The following FREM1 variants were observed in gnomAD, a reference collection of about 807,000 sequenced individuals.
FREM1 encodes FRAS1 related extracellular matrix 1.
In FREM1, 220 loss-of-function variants were observed where a neutral mutation model predicts 210.1. The observed-to-expected ratio is 1.05, with a 90% CI of 0.94 to 1.17. The LOEUF is 1.17. Ranked by LOEUF, FREM1 falls within the 50% of genes most tolerant of loss-of-function variation. The pLI is 0.00. For synonymous variants in FREM1, 1,189 were observed against 980.2 expected, an observed-to-expected ratio of 1.21 and a Z score of -3.98; for missense variants, 3,454 against 2,675.5, an observed-to-expected ratio of 1.29 and a Z score of -6.42.
Position 14,857,746 on chromosome 9 carries a change from A to C in FREM1, c.635T>G (p.Leu212Arg), listed in dbSNP as rs145369669. 7.3e-4 allele frequency: 1,163 copies of C among 1,596,062 alleles called. 8 individuals carry two copies. The African/African-American group carries it at 0.013, about 18-fold the overall frequency. ...QPHSFFPESQLRAKLKCPGGS... is the reference protein window; with the variant it reads ...QPHSFFPESQRRAKLKCPGGS... ...ACCTGGACACTTCAGTTTTGCTCTC[A>C]GTTCTAGAATGTACAGCACTGGATT... Residue 212 changes from leucine (L) to arginine (R), a missense_variant, in exon 5 of 37, where the codon CTG becomes CGG. Transcript: ENST00000380880.
intron 10 of FREM1, among the ~76,000 whole-genome samples, chr9:14,833,135 T>C (rs1478161290): frequency 1.3e-5 from 2 of 152,194 alleles, no homozygotes. Context: ...CAAAATCAAA[T>C]AAGCCAGTTT....
intron 1 of FREM1, among the ~76,000 whole-genome samples, chr9:14,895,560 T>C (rs1837559946): frequency 6.6e-6 from 1 of 152,094 alleles, no homozygotes; most frequent in South Asian, 2.1e-4. Flanking sequence ...GTTCCAACAG[T>C]TGCCCAGCTC....
chr9:14,825,547 G>GTGTGTGTATGTATATATATATATA, intron 10 of FREM1, among the ~76,000 whole-genome samples: 1 of 75,932 alleles, frequency 1.3e-5, no homozygotes, highest in Non-Finnish European at 2.5e-5. Flanking sequence ...GTGTGTGTGT[G>GTGTGTGTATGTATATATATATATA]TATATATATA....
At chr9:14,824,671 T>C (rs995217090) in intron 11 of FREM1, 125 bp downstream of exon 11, 3 of 659,750 alleles carry the variant, frequency 4.5e-6, no homozygotes, top group Non-Finnish European at 7.7e-6. Flanking sequence ...TAATTGAGTA[T>C]AATTTCATGC....
At chr9:14,879,555 A>G (rs1834411998) in intron 1 of FREM1, among the ~76,000 whole-genome samples, 1 of 152,244 alleles carries the variant, frequency 6.6e-6, no homozygotes, top group African/African-American at 2.4e-5. Context: ...AGCAGTGTCC[A>G]TAGTGGAAAC....
In FREM1 at chr9:14,806,835, C is replaced by G. The variant is rs1019179347; in HGVS notation, c.3100G>C (p.Val1034Leu). Reference sequence around the variant, plus strand: ...GCTGTTGAGCAGCCCTCATCTACAACAAACACGGGACCTGCATACAAATAA... The same window carrying G: ...GCTGTTGAGCAGCCCTCATCTACAAGAAACACGGGACCTGCATACAAATAA... ...PPSIAIGPVF[V>L]VDEGCSTALT... The change falls in exon 18 of 37, where the codon GTT becomes CTT. Residue 1034 changes from valine (V) to leucine (L), a missense_variant. Coordinates refer to ENST00000380880, the MANE Select transcript of FREM1 (RefSeq NM_001379081.2). 1 of 1,598,856 alleles carries G rather than the reference C, an allele frequency of 6.3e-7. No homozygotes were observed. The highest frequency in any genetic ancestry group is 1.1e-5 in the South Asian group (1 of 88,536).
chr9:14,776,057 A>T lies in FREM1; in HGVS notation c.4589T>A (p.Leu1530His). The change falls in exon 25 of 37, where the codon CTT (leucine) becomes CAT (histidine). Residue 1530 changes from leucine to histidine, a missense_variant. By Grantham distance (99) the Leu-to-His change is moderately conservative (BLOSUM62 -3). Transcript: ENST00000380880. ...AGGTGTATCAGGGTCGGTCAGCTGA[A>T]GGAGGTCAGGGGAAAGCAGGCCCAC... The part of the protein sequence containing the change: ...GAVGLLSPDL[L>H]QLTDPDTPAE... 1 of 1,613,926 alleles carries T rather than the reference A, an allele frequency of 6.2e-7. No individual in the cohort carries two copies. Among genetic ancestry groups the T allele is most frequent in the South Asian group, 1.1e-5 (1 of 91,082 alleles).
At chr9:14,844,109 A>G (rs951994510) in intron 8 of FREM1, among the ~76,000 whole-genome samples, 3 of 152,080 alleles carry the variant, frequency 2.0e-5, no homozygotes, top group African/African-American at 7.2e-5. Context: ...TGATCACACT[A>G]TTTTGTGTCT....
At chr9:14,833,568 C>A (rs1472344209) in intron 10 of FREM1, among the ~76,000 whole-genome samples, 1 of 152,140 alleles carries the variant, frequency 6.6e-6, no homozygotes, top group Non-Finnish European at 1.5e-5. Flanking sequence ...TAAGTCATAA[C>A]CTAATTAAGG....
rs1204225019 is a variant in FREM1 at position 14,861,052 on chromosome 9, T to TAC, written c.330-1570_330-1569dup. On this transcript the variant is annotated intron_variant, in intron 3 of 36. Transcript: ENST00000380880. ...ATACATATATACATATATACATATA[T>TAC]ACATATATACACATATACATATATA... 1.2e-4 allele frequency among the ~76,000 whole-genome samples: 9 copies of TAC among 72,926 alleles called. No individual in the cohort carries two copies. In the South Asian group the frequency reaches 3.0e-3, roughly 24 times the overall value. 47.8% of individuals were successfully genotyped at this position (72,926 alleles called of 152,430 possible). A position where few individuals can be genotyped will look rare whatever the true frequency, so the allele number is the denominator to read the frequency against.
intron 1 of FREM1, among the ~76,000 whole-genome samples, chr9:14,901,846 A>G (rs1056362469): frequency 6.6e-6 from 1 of 151,936 alleles, no homozygotes; most frequent in African/African-American, 2.4e-5. Flanking sequence ...GGTTGTGAAG[A>G]TAGTTTTTAT....
chr9:14,881,938 G>T (rs1588568592), intron 1 of FREM1, among the ~76,000 whole-genome samples: 1 of 152,144 alleles, frequency 6.6e-6, no homozygotes, highest in African/African-American at 2.4e-5. Flanking sequence ...GGAAGGTGCT[G>T]CCTTGCACAT....
intron 20 of FREM1, 40 bp from the exon 21 acceptor site, chr9:14,797,682 T>C (rs755032453): frequency 1.3e-6 from 2 of 1,551,600 alleles, no homozygotes; most frequent in Non-Finnish European, 8.8e-7. Context: ...TTCCTTATGA[T>C]TGAACCATCA....
Position 14,836,537 on chromosome 9 carries a change from A to G in FREM1, c.1881+4910T>C, listed in dbSNP as rs2131087436. Among the ~76,000 whole-genome samples the G allele has an allele frequency of 6.6e-6, 1 of 152,336 alleles. No homozygotes were observed. The highest frequency in any genetic ancestry group is 1.9e-4 in the East Asian group (1 of 5,192). On this transcript the variant is annotated intron_variant, in intron 10 of 36. Transcript: ENST00000380880. This position sits in a 1 kb window ranked among gnomAD's most constrained non-coding sequence, Gnocchi z 4.9. ...ATGCCGGCTTCAGCCCTGGGCGGCT[A>G]CAATCCCTCTTTAATAAATTCCAGT...
At chr9:14,874,223 T>G (rs73417624) in intron 1 of FREM1, among the ~76,000 whole-genome samples, 42,973 of 151,894 alleles carry the variant, frequency 0.28, 7,058 homozygotes, top group East Asian at 0.71. Context: ...TGGGTACCCT[T>G]GTTAACTTTT....
intron 1 of FREM1, among the ~76,000 whole-genome samples, chr9:14,899,273 G>T (rs1290781779): frequency 6.6e-6 from 1 of 152,230 alleles, no homozygotes; most frequent in Non-Finnish European, 1.5e-5. Flanking sequence ...CCATGCCAGT[G>T]TGCCAGTGTC....
chr9:14,847,409 G>A (rs988423758), intron 7 of FREM1, among the ~76,000 whole-genome samples: 2 of 75,024 alleles, frequency 2.7e-5, no homozygotes, highest in African/African-American at 1.0e-4. Flanking sequence ...AAGAAGGAAG[G>A]AAGGAAGGAA....
intron 1 of FREM1, among the ~76,000 whole-genome samples, chr9:14,879,148 A>T (rs1166577809): frequency 7.6e-6 from 1 of 131,802 alleles, no homozygotes; most frequent in African/African-American, 3.2e-5. Flanking sequence ...CAAGAGCAAG[A>T]TTCCGTCTCA....
chr9:14,797,462 T>C (rs1404617062), intron 21 of FREM1, 36 bp downstream of exon 21: 8 of 1,556,302 alleles, frequency 5.1e-6, no homozygotes, highest in African/African-American at 2.7e-5. Context: ...TAGAATTGTA[T>C]AGAAATCTGA....
Sources: allele counts gnomAD v4.1 joint callset (sites outside exome capture counted in the v4.1 genomes callset), GRCh38; gene constraint gnomAD v4.1.1; non-coding constraint Gnocchi (gnomAD v3.1); transcripts MANE v1.5; gene names NCBI Gene and HGNC (gene_info 2026-07-23, HGNC 2026-07-21).